The following USH2A variants were observed in gnomAD, a reference collection of about 807,000 sequenced individuals.
The protein encoded by USH2A is Usher syndrome 2A (autosomal recessive, mild).
A neutral mutation model predicts 538.9 loss-of-function variants in USH2A; 443 were observed. That is an observed-to-expected ratio of 0.82 (90% CI 0.76 to 0.89). USH2A has a LOEUF of 0.89. Ranked by LOEUF, USH2A falls within the 40% of genes least tolerant of loss-of-function variation. USH2A has a pLI of 0.00. For synonymous variants in USH2A, 2,413 were observed against 2,273.5 expected (o/e 1.06, Z -1.75); for missense variants, 6,633 against 6,324.8 (o/e 1.05, Z -1.65).
rs529931117 is a variant in USH2A, at chr1:215,978,926, G to A, written c.6806-8150C>T. On this transcript the variant is annotated intron_variant, in intron 35 of 71. Transcript: ENST00000307340. ...GTAAGAAAGTGCAAGGTTCAGTAAAGGTATCCCAAATAGATCAATAATCTG... is the reference window on the plus strand; with the variant it reads ...GTAAGAAAGTGCAAGGTTCAGTAAAAGTATCCCAAATAGATCAATAATCTG... Among the ~76,000 whole-genome samples the A allele has an allele frequency of 3.9e-5, 6 of 152,296 alleles. No homozygotes were observed. The East Asian group carries it at 1.2e-3, about 29-fold the overall frequency.
intron 21 of USH2A, among the ~76,000 whole-genome samples, chr1:216,153,887 T>C (rs576780299): frequency 2.0e-5 from 3 of 152,282 alleles, no homozygotes; most frequent in Admixed American, 1.3e-4. Context: ...TAAGTGAGGG[T>C]CAAATTGATT....
At chr1:216,185,939 C>G (rs1458989781) in intron 20 of USH2A, among the ~76,000 whole-genome samples, 1 of 151,758 alleles carries the variant, frequency 6.6e-6, no homozygotes, top group African/African-American at 2.4e-5. Context: ...CTGATCTGAA[C>G]AACCCTAAAA....
At chr1:216,002,086 A>T (rs1668277122) in intron 32 of USH2A, among the ~76,000 whole-genome samples, 2 of 152,176 alleles carry the variant, frequency 1.3e-5, no homozygotes, top group South Asian at 4.1e-4. Context: ...TGGCAGCAAC[A>T]GTCGCACTAT....
rs532672574 is a variant in USH2A at position 215,639,106 on chromosome 1, T to C, written c.15052+49A>G. ...GTATAAACAAACATATGTGTGTTTC[T>C]TGAGGAAGATGAATAGGTGCTACGC... On this transcript the variant is annotated intron_variant, in intron 69 of 71. Coordinates refer to ENST00000307340, the MANE Select transcript of USH2A (RefSeq NM_206933.4). 8 of 1,556,004 alleles carry C rather than the reference T, an allele frequency of 5.1e-6. No individual in the cohort carries two copies. In the South Asian group the frequency reaches 8.9e-5, roughly 17 times the overall value.
intron 44 of USH2A, among the ~76,000 whole-genome samples, chr1:215,851,439 G>A (rs1209310005): frequency 1.3e-5 from 2 of 151,980 alleles, no homozygotes; most frequent in Non-Finnish European, 2.9e-5. Flanking sequence ...AAATAAACTA[G>A]AAAACCTAGA....
intron 37 of USH2A, among the ~76,000 whole-genome samples, chr1:215,963,493 G>A (rs967780584): frequency 6.6e-6 from 1 of 152,010 alleles, no homozygotes; most frequent in Admixed American, 6.6e-5. Context: ...CAATTTGTCT[G>A]TTTTGCTTTT....
chr1:215,699,546 G>T (rs1408515264), intron 61 of USH2A, among the ~76,000 whole-genome samples: 1 of 152,146 alleles, frequency 6.6e-6, no homozygotes, highest in Non-Finnish European at 1.5e-5. Context: ...ACCCTTGTAA[G>T]TTGTATTCCT....
In USH2A at chr1:216,169,792, A is replaced by G. The variant is rs569913410; in HGVS notation, c.4627+5460T>C. On this transcript the variant is annotated intron_variant, in intron 21 of 71. Transcript: ENST00000307340. ...TTCTTACTCTTTCCTTTACTTTTTT[A>G]GTATAATTACTGCCTGTTCATTAAA... Among the ~76,000 whole-genome samples, 19 of 152,220 alleles carry G rather than the reference A, an allele frequency of 1.2e-4. No individual in the cohort carries two copies. In the South Asian group the frequency reaches 3.7e-3, roughly 30 times the overall value.
intron 49 of USH2A, among the ~76,000 whole-genome samples, chr1:215,812,784 T>A (rs568388738): frequency 3.3e-5 from 5 of 152,238 alleles, no homozygotes; most frequent in Admixed American, 6.5e-5. Flanking sequence ...ACAGTGGTAG[T>A]AATGAAGAAG....
At chr1:215,739,657 A>C (rs935349686) in intron 60 of USH2A, among the ~76,000 whole-genome samples, 9 of 152,254 alleles carry the variant, frequency 5.9e-5, no homozygotes, top group Non-Finnish European at 5.9e-5. Flanking sequence ...TGTGTTTTTG[A>C]ATCAGAAATA....
chr1:215,971,764 T>A (rs1329075331), intron 35 of USH2A, among the ~76,000 whole-genome samples: 1 of 152,196 alleles, frequency 6.6e-6, no homozygotes, highest in Admixed American at 6.6e-5. Context: ...GTAGCCAATT[T>A]TCCGTCCTCC....
At chr1:216,331,800 T>C (rs565008677) in intron 4 of USH2A, among the ~76,000 whole-genome samples, 1 of 152,236 alleles carries the variant, frequency 6.6e-6, no homozygotes, top group South Asian at 2.1e-4. Flanking sequence ...AGGCAATGTA[T>C]ATAGGTAAAA....
intron 30 of USH2A, among the ~76,000 whole-genome samples, chr1:216,056,782 TTGTGTGTGTG>T: frequency 6.7e-6 from 1 of 149,396 alleles, no homozygotes; most frequent in East Asian, 2.0e-4. Context: ...ATGTGTGCAT[TTGTGTGTGTG>T]TGTGTGTGTG....
At chr1:215,782,628 C>A in intron 53 of USH2A, 110 bp downstream of exon 53, 1 of 1,164,920 alleles carries the variant, frequency 8.6e-7, no homozygotes, top group Admixed American at 2.0e-5. Flanking sequence ...TCGGAACATA[C>A]TTTTCTAGTG....
intron 44 of USH2A, among the ~76,000 whole-genome samples, chr1:215,849,188 A>C (rs538334706): frequency 6.6e-6 from 1 of 152,346 alleles, no homozygotes; most frequent in African/African-American, 2.4e-5. Context: ...CTTCCAAGGC[A>C]GAAGTTTTGT....
At chr1:215,662,902 C>T (rs1657489070) in intron 64 of USH2A, among the ~76,000 whole-genome samples, 1 of 152,120 alleles carries the variant, frequency 6.6e-6, no homozygotes, top group South Asian at 2.1e-4. Flanking sequence ...TATGTTTTCT[C>T]TAAATGTGAT....
chr1:215,988,051 C>T (rs574256631), intron 35 of USH2A, among the ~76,000 whole-genome samples: 63 of 151,800 alleles, frequency 4.2e-4, no homozygotes, highest in African/African-American at 1.2e-3. Flanking sequence ...AAAAGCACAA[C>T]GTAAAATTGG....
chr1:216,381,149 G>A (rs2038915901), intron 3 of USH2A, among the ~76,000 whole-genome samples: 1 of 152,100 alleles, frequency 6.6e-6, no homozygotes, highest in Non-Finnish European at 1.5e-5. Context: ...TGGTCATTGA[G>A]ATACGTACAC....
Position 216,300,410 on chromosome 1 carries a change from G to A in USH2A, c.1645-8040C>T, listed in dbSNP as rs373815784. 1.1e-4 allele frequency among the ~76,000 whole-genome samples: 17 copies of A among 152,148 alleles called. No homozygotes were observed. In the South Asian group the frequency reaches 3.5e-3, roughly 32 times the overall value. ...TGAGATTAGACAATGGCTATATCAG[G>A]GTCAAGGACCTTTACCACTGATTCA... is the stretch of plus-strand genomic sequence containing the variant. On this transcript the variant is annotated intron_variant, in intron 9 of 71. Transcript: ENST00000307340.
Sources: allele counts gnomAD v4.1 joint callset (sites outside exome capture counted in the v4.1 genomes callset), GRCh38; gene constraint gnomAD v4.1.1; transcripts MANE v1.5; gene names NCBI Gene and HGNC (gene_info 2026-07-23, HGNC 2026-07-21).